USP43: variants seen among roughly 807,000 people sequenced by gnomAD.
USP43 encodes the protein ubiquitin carboxyl-terminal hydrolase 43.
In USP43, 33 loss-of-function variants were observed where a neutral mutation model predicts 90.7. That is an observed-to-expected ratio of 0.36 (90% confidence interval 0.28 to 0.49). The LOEUF is 0.49. Ranked by LOEUF, USP43 falls within the 20% of genes least tolerant of loss-of-function variation. The pLI, the probability that USP43 is intolerant of heterozygous loss-of-function variation, is 0.98. For missense variants in USP43, 1,274 were observed against 1,476.4 expected (o/e 0.86, Z 2.25); for synonymous variants, 598 against 615.8 (o/e 0.97, Z 0.43).
At chr17:9,660,196 G>A (rs146427177) in intron 2 of USP43, among the ~76,000 whole-genome samples, 12 of 152,270 alleles carry the variant, frequency 7.9e-5, no homozygotes, top group Non-Finnish European at 1.3e-4. Context: ...TGTTGCCCAG[G>A]TTGGAGTGCA....
intron 9 of USP43, among the ~76,000 whole-genome samples, chr17:9,697,271 TG>T (rs1321203121): frequency 6.6e-6 from 1 of 152,068 alleles, no homozygotes; most frequent in Non-Finnish European, 1.5e-5. Flanking sequence ...CTTAAAGTTT[TG>T]TTTATTATTC....
Position 9,686,762 on chromosome 17 carries a change from C to T in USP43, c.1242-36C>T. The T allele has an allele frequency of 6.3e-7, 1 of 1,599,904 alleles. No individual in the cohort carries two copies. Among genetic ancestry groups the T allele is most frequent in the Admixed American group, 1.7e-5 (1 of 58,814 alleles). On this transcript the variant is annotated intron_variant, in intron 7 of 14. Transcript: ENST00000285199. The surrounding 1 kb of genome is among the most constrained non-coding windows in gnomAD (Gnocchi z 5.5). Reference sequence around the variant, plus strand: ...GACTGGTGGATGTTGCTGGTTTTTCCTTTGCTGGGATAACCCGATTTCCTT... The same window carrying T: ...GACTGGTGGATGTTGCTGGTTTTTCTTTTGCTGGGATAACCCGATTTCCTT...
chr17:9,708,863 G>A (rs1251087265), intron 12 of USP43, among the ~76,000 whole-genome samples: 12 of 152,050 alleles, frequency 7.9e-5, no homozygotes, highest in Non-Finnish European at 1.6e-4. Flanking sequence ...TCCTGACCTC[G>A]TGATTTGCCC....
At chr17:9,657,244 C>T (rs758132774) in intron 2 of USP43, among the ~76,000 whole-genome samples, 19 of 152,170 alleles carry the variant, frequency 1.2e-4, no homozygotes, top group African/African-American at 2.7e-4. Flanking sequence ...CGGTGACTCA[C>T]GCCTGTAATC....
At chr17:9,711,021 ATAAGTCTAGCTTCCATT>A (rs1174635957) in intron 13 of USP43, among the ~76,000 whole-genome samples, 9 of 152,328 alleles carry the variant, frequency 5.9e-5, no homozygotes, top group African/African-American at 1.9e-4. Context: ...CAATCCTAAC[ATAAGTCTAGCTTCCATT>A]TATAGAAGAA....
intron 1 of USP43, among the ~76,000 whole-genome samples, chr17:9,648,903 T>TTC (rs373050216): frequency 6.9e-6 from 1 of 145,572 alleles, no homozygotes; most frequent in Non-Finnish European, 1.5e-5. Flanking sequence ...TTCTTTTTCT[T>TTC]TCTCTCTCTC....
chr17:9,693,639 C>T (rs1020478665), intron 9 of USP43, among the ~76,000 whole-genome samples: 3 of 152,040 alleles, frequency 2.0e-5, no homozygotes, highest in African/African-American at 7.2e-5. Context: ...ATTTTGAGAC[C>T]AGTCTGGCCA....
At chr17:9,721,538 T>C (rs750710465) in intron 14 of USP43, among the ~76,000 whole-genome samples, 2 of 152,166 alleles carry the variant, frequency 1.3e-5, no homozygotes, top group Non-Finnish European at 2.9e-5. Flanking sequence ...ATTACTATTT[T>C]GTAAATGCTC....
Position 9,646,141 on chromosome 17 carries a change from G to A in USP43, c.504+5G>A. On this transcript the variant is annotated splice_donor_5th_base_variant and intron_variant, in intron 1 of 14. Transcript: ENST00000285199. ...CAACTTTCCGCGGAGTTCAAGGTAG[G>A]CAGCGCTGCGCCGCCGACCGCCCTG... 7 of 1,419,310 alleles carry A rather than the reference G, an allele frequency of 4.9e-6. No individual in the cohort carries two copies. Among genetic ancestry groups the A allele is most frequent in the Non-Finnish European group, 6.4e-6 (7 of 1,090,156 alleles). 87.9% of individuals were successfully genotyped at this position (1,419,310 alleles called of 1,614,324 possible).
At chr17:9,699,791 G>C (rs1915467270) in intron 9 of USP43, among the ~76,000 whole-genome samples, 1 of 152,180 alleles carries the variant, frequency 6.6e-6, no homozygotes, top group Non-Finnish European at 1.5e-5. Flanking sequence ...TTGGGGGAAA[G>C]GTAGCAGCTC....
intron 12 of USP43, among the ~76,000 whole-genome samples, chr17:9,704,516 C>T (rs985658194): frequency 6.6e-6 from 1 of 152,096 alleles, no homozygotes; most frequent in Admixed American, 6.6e-5. Flanking sequence ...AGGGTTTCAC[C>T]ATGTTGGACA....
At position 9,686,427 on chromosome 17, in the gene USP43, G is replaced by GTATAAGA. The variant is rs1374277581; in HGVS notation, c.1242-370_1242-364dup. On this transcript the variant is annotated intron_variant, in intron 7 of 14. Transcript: ENST00000285199. The surrounding 1 kb of genome is among the most constrained non-coding windows in gnomAD (Gnocchi z 5.5). ...CGGTGTCTCCATTCCCACCAACAGT[G>GTATAAGA]TATAAGAGTTCCCTTTTCTCCATAT... 6.6e-6 allele frequency among the ~76,000 whole-genome samples: 1 copy of GTATAAGA among 152,132 alleles called. No individual in the cohort carries two copies. Among genetic ancestry groups the GTATAAGA allele is most frequent in the African/African-American group, 2.4e-5 (1 of 41,422 alleles).
intron 3 of USP43, among the ~76,000 whole-genome samples, chr17:9,671,809 A>G (rs1913456401): frequency 6.6e-6 from 1 of 152,116 alleles, no homozygotes; most frequent in South Asian, 2.1e-4. Context: ...CCATCAGGCC[A>G]CATAGGGGTA....
chr17:9,647,473 A>G (rs1911517148), intron 1 of USP43: 1 of 152,214 alleles, frequency 6.6e-6, no homozygotes, highest in Non-Finnish European at 1.5e-5. Context: ...AACTTTCTTC[A>G]TCTTTAATAT....
intron 3 of USP43, among the ~76,000 whole-genome samples, chr17:9,668,456 T>C (rs1913185887): frequency 6.6e-6 from 1 of 152,230 alleles, no homozygotes; most frequent in Admixed American, 6.5e-5. Flanking sequence ...TAGGATATAA[T>C]TACTGTCTTT....
chr17:9,681,288 ATG>A (rs1200859452), intron 6 of USP43, among the ~76,000 whole-genome samples: 4 of 113,002 alleles, frequency 3.5e-5, no homozygotes, highest in Non-Finnish European at 5.0e-5. Context: ...ATAATTATAT[ATG>A]TTATATATAA....
rs1913627473 is a variant in USP43, at chr17:9,674,278, GAAAGTCCTGTAACAT to G, written c.741-607_741-593del. On this transcript the variant is annotated intron_variant, in intron 3 of 14. Coordinates refer to ENST00000285199, the MANE Select transcript of USP43 (RefSeq NM_153210.5). The surrounding 1 kb of genome is among the most constrained non-coding windows in gnomAD (Gnocchi z 4.4). ...TTTTCCCTTTTAAAAAAACGGAGGT[GAAAGTCCTGTAACAT>G]AAAGTTAAGCATTCTAAAGCGTACA... Among the ~76,000 whole-genome samples, 1 of 152,250 alleles carries G rather than the reference GAAAGTCCTGTAACAT, an allele frequency of 6.6e-6. No individual in the cohort carries two copies. The highest frequency in any genetic ancestry group is 2.1e-4 in the South Asian group (1 of 4,818).
In USP43 at chr17:9,645,906, G is replaced by A. The variant is rs1333656858; in HGVS notation, c.274G>A (p.Gly92Ser). 3 of 1,468,490 alleles carry A rather than the reference G, an allele frequency of 2.0e-6. No individual in the cohort carries two copies. Among genetic ancestry groups the A allele is most frequent in the Non-Finnish European group, 1.8e-6 (2 of 1,113,928 alleles). 91.0% of individuals were successfully genotyped at this position (1,468,490 alleles called of 1,614,324 possible). A position where few individuals can be genotyped will look rare whatever the true frequency, so the allele number is the denominator to read the frequency against. ...GPQPQLQLPA[G>S]DGARPPGAQG... ...CCAGCCCCAGCTCCAGCTCCCCGCC[G>A]GCGATGGGGCGCGGCCGCCGGGCGC... The change falls in exon 1 of 15, where the codon GGC becomes AGC. Residue 92 changes from glycine (G) to serine (S), a missense_variant. Coordinates refer to ENST00000285199, the MANE Select transcript of USP43 (RefSeq NM_153210.5). The surrounding 1 kb of genome is among the most constrained non-coding windows in gnomAD (Gnocchi z 6.8).
At chr17:9,666,902 GCA>G (rs1913067463) in intron 3 of USP43, among the ~76,000 whole-genome samples, 151 bp downstream of exon 3, 1 of 152,096 alleles carries the variant, frequency 6.6e-6, no homozygotes, top group Admixed American at 6.5e-5. Flanking sequence ...TCCTGATTAA[GCA>G]CACACTCCTG....
Sources: allele counts gnomAD v4.1 joint callset (sites outside exome capture counted in the v4.1 genomes callset), GRCh38; gene constraint gnomAD v4.1.1; non-coding constraint Gnocchi (gnomAD v3.1); transcripts MANE v1.5; gene names NCBI Gene and HGNC (gene_info 2026-07-23, HGNC 2026-07-21).